Variants in SUN2 observed in about 807,000 individuals in gnomAD.
The protein encoded by SUN2 is SUN domain-containing protein 2.
In SUN2, 60 loss-of-function variants were observed where a neutral mutation model predicts 100.0. The observed-to-expected ratio is 0.60, with a 90% CI of 0.49 to 0.74. The LOEUF (loss-of-function observed/expected upper bound fraction) is 0.74. Among genes scored for constraint, SUN2 ranks in the 30% least tolerant of loss-of-function variants. The probability of loss-of-function intolerance (pLI) is 0.00; values close to 1 mark genes in which losing one functional copy is unlikely to be tolerated. For synonymous variants in SUN2, 367 were observed against 403.3 expected (o/e 0.91, Z 1.08); for missense variants, 834 against 954.6 (o/e 0.87, Z 1.66).
chr22:38,748,213 C>T (rs528354819), intron 7 of SUN2, among the ~76,000 whole-genome samples: 2 of 152,332 alleles, frequency 1.3e-5, no homozygotes, highest in South Asian at 4.1e-4. Flanking sequence ...ACTCGGGAGG[C>T]TGAGGCAGGA....
At chr22:38,751,099 G>A (rs1226042206) in intron 3 of SUN2, 64 bp from the exon 4 acceptor site, 1 of 1,610,144 alleles carries the variant, frequency 6.2e-7, no homozygotes, top group South Asian at 1.1e-5. Flanking sequence ...TGGGGTCTGG[G>A]CAGAGAGGTG....
intron 7 of SUN2, among the ~76,000 whole-genome samples, chr22:38,748,318 AAAAC>A (rs555603372): frequency 6.2e-4 from 95 of 152,338 alleles, no homozygotes; most frequent in Admixed American, 2.0e-3. Flanking sequence ...TCTGTCTCAA[AAAAC>A]AAACAAAAAA....
chr22:38,744,221 C>T (rs181474832), intron 8 of SUN2, among the ~76,000 whole-genome samples: 9 of 138,616 alleles, frequency 6.5e-5, no homozygotes, highest in East Asian at 4.3e-4. Flanking sequence ...GCCTGGGTGA[C>T]GCAGCATTCC....
In SUN2 at chr22:38,745,820, AG is replaced by A. The variant is rs2146025660; in HGVS notation, c.686-10del. The A allele has an allele frequency of 1.2e-6, 2 of 1,613,112 alleles. No individual in the cohort carries two copies. Among genetic ancestry groups the A allele is most frequent in the Non-Finnish European group, 8.5e-7 (1 of 1,179,574 alleles). The stretch of plus-strand genomic sequence containing the variant: ...GTAGAAATACCAAGCACCTGTGCAC[AG>A]GGGAGAGGGTGTTACCCCAGCTGGG... On this transcript the variant is annotated splice_polypyrimidine_tract_variant and intron_variant, in intron 7 of 17. Coordinates refer to ENST00000689035, the MANE Select transcript of SUN2 (RefSeq NM_015374.3).
At position 38,745,768 on chromosome 22, in the gene SUN2, A is replaced by G. The variant is rs1011423504; in HGVS notation, c.729T>C (p.Pro243=). 2 of 1,614,138 alleles carry G rather than the reference A, an allele frequency of 1.2e-6. No homozygotes were observed. Among genetic ancestry groups the G allele is most frequent in the South Asian group, 1.1e-5 (1 of 91,082 alleles). ...FYPYGLQTFH[P]ALVSWWAAKD... is the part of the protein sequence containing the mutation. ...TCGCTGCCCACCAGGAAACCAAAGC[A>G]GGGTGGAATGTCTGCAGCCCATAGG... The change falls in exon 8 of 18, where the codon CCT becomes CCC. Residue 243 remains proline, a synonymous_variant. Transcript: ENST00000689035.
chr22:38,743,153 T>C (rs769217579), intron 8 of SUN2: 3 of 152,252 alleles, frequency 2.0e-5, no homozygotes, highest in Non-Finnish European at 4.4e-5. Context: ...TTGAGAATGT[T>C]GTTGGCTTAA....
chr22:38,748,067 G>A (rs1045876940), intron 7 of SUN2, among the ~76,000 whole-genome samples: 13 of 150,498 alleles, frequency 8.6e-5, no homozygotes, highest in African/African-American at 2.2e-4. Context: ...TGTAATCCCA[G>A]CACTTTGGGA....
In SUN2 at chr22:38,739,557, G is replaced by T. The variant is rs2092836551; in HGVS notation, c.1579-131C>A. 5 of 1,300,766 alleles carry T rather than the reference G, an allele frequency of 3.8e-6. No homozygotes were observed. The highest frequency in any genetic ancestry group is 5.4e-6 in the Non-Finnish European group (5 of 921,612). 80.6% of individuals were successfully genotyped at this position (1,300,766 alleles called of 1,614,324 possible). ...GCACTGTGCTGGTGCCCAGGCAGATGTGGGCACACTGCCACCCACCCATGC... is the reference window on the plus strand; with the variant it reads ...GCACTGTGCTGGTGCCCAGGCAGATTTGGGCACACTGCCACCCACCCATGC... On this transcript the variant is annotated intron_variant, in intron 13 of 17. Coordinates refer to ENST00000689035, the MANE Select transcript of SUN2 (RefSeq NM_015374.3). The surrounding 1 kb of genome is among the most constrained non-coding windows in gnomAD (Gnocchi z 6.7).
rs368321480 is a variant in SUN2, at chr22:38,750,323, G to A, written c.425-3C>T. 2.5e-6 allele frequency: 4 copies of A among 1,613,896 alleles called. No homozygotes were observed. In the Admixed American group the frequency reaches 6.7e-5, roughly 27 times the overall value. On this transcript the variant is annotated splice_polypyrimidine_tract_variant and splice_region_variant and intron_variant, in intron 4 of 17. Coordinates refer to ENST00000689035, the MANE Select transcript of SUN2 (RefSeq NM_015374.3). ...CTGCTGGTCCACATCCGAGTAGCCT[G>A]CGGGGAACGAGGACACTGGCTCAGT...
In SUN2 at chr22:38,737,654, G is replaced by T. The variant is rs9611015; in HGVS notation, c.2040+519C>A. 2.9e-6 allele frequency: 1 copy of T among 340,880 alleles called. No individual in the cohort carries two copies. Among genetic ancestry groups the T allele is most frequent in the African/African-American group, 2.2e-5 (1 of 46,434 alleles). 21.1% of individuals were successfully genotyped at this position (340,880 alleles called of 1,614,324 possible). ...CAATTCCTCACTCCAGGACTCCCCC[G>T]GTGTGGGGCTTAGGCCAATGGTTTG... On this transcript the variant is annotated intron_variant, in intron 17 of 17. Coordinates refer to ENST00000689035, the MANE Select transcript of SUN2 (RefSeq NM_015374.3). The surrounding 1 kb of genome is among the most constrained non-coding windows in gnomAD (Gnocchi z 4.1).
In SUN2 at chr22:38,745,681, C is replaced by A. The variant is rs1226785587; in HGVS notation, c.813+3G>T. 5 of 1,613,292 alleles carry A rather than the reference C, an allele frequency of 3.1e-6. No individual in the cohort carries two copies. Among genetic ancestry groups the A allele is most frequent in the Non-Finnish European group, 4.2e-6 (5 of 1,180,016 alleles). ...TTGGGAGCTACCACCCTCAGAGACT[C>A]ACCTGGAAATGTGGCGATGAGTCTC... On this transcript the variant is annotated splice_donor_region_variant and intron_variant, in intron 8 of 17. Transcript: ENST00000689035.
chr22:38,750,074 C>T, intron 5 of SUN2, 151 bp downstream of exon 5: 1 of 1,313,410 alleles, frequency 7.6e-7, no homozygotes, highest in Non-Finnish European at 1.0e-6. Context: ...GGGGTCCCCA[C>T]AGCTCTGGGC....
At chr22:38,741,696 C>T in intron 9 of SUN2, 125 bp from the exon 10 acceptor site, 1 of 820,942 alleles carries the variant, frequency 1.2e-6, no homozygotes. Context: ...GGCTCTCAGC[C>T]TTCTCTGAAC....
Position 38,750,960 on chromosome 22 carries a change from C to T in SUN2, c.362G>A (p.Arg121His), listed in dbSNP as rs200211836. The change falls in exon 4 of 18, where the codon CGC becomes CAC. Residue 121 changes from arginine (R) to histidine (H), a missense_variant. This residue lies in a region of SUN2 where 559 missense variants were observed against 597.7 expected (regional missense o/e 0.94). Coordinates refer to ENST00000689035, the MANE Select transcript of SUN2 (RefSeq NM_015374.3). ...GCCCAGGAAGTCCTCGGTGGCCTTG[C>T]GCCCCACAAGCCCGCTGGCCCTGCT... ...ESSRASGLVG[R>H]KATEDFLGSS... The T allele has an allele frequency of 2.8e-5, 45 of 1,613,880 alleles. No individual in the cohort carries two copies. The highest frequency in any genetic ancestry group is 5.3e-5 in the African/African-American group (4 of 75,042).
Position 38,735,576 on chromosome 22 carries a change from G to A in SUN2, c.*691C>T, listed in dbSNP as rs992895726. On this transcript the variant is annotated 3_prime_UTR_variant, in exon 18 of 18. Coordinates refer to ENST00000689035, the MANE Select transcript of SUN2 (RefSeq NM_015374.3). ...AAGCAACTACCGTCCCCAGCAGAGG[G>A]GAAGCCTACAGGGTTGGCCCTGGGC... is the stretch of plus-strand genomic sequence containing the variant. 5 of 222,056 alleles carry A rather than the reference G, an allele frequency of 2.3e-5. No individual in the cohort carries two copies. The highest frequency in any genetic ancestry group is 9.3e-5 in the African/African-American group (4 of 42,982). 13.8% of individuals were successfully genotyped at this position (222,056 alleles called of 1,614,324 possible).
Position 38,745,730 on chromosome 22 carries a change from C to T in SUN2, c.767G>A (p.Arg256Lys), listed in dbSNP as rs1297466888. 3 of 1,614,078 alleles carry T rather than the reference C, an allele frequency of 1.9e-6. No homozygotes were observed. Among genetic ancestry groups the T allele is most frequent in the South Asian group, 1.1e-5 (1 of 91,092 alleles). ...TCTGGCTTCCCAGCCCTCATCCGGCCTCCTGCTGTCCTTCGCTGCCCACCA... is the reference window on the plus strand; with the variant it reads ...TCTGGCTTCCCAGCCCTCATCCGGCTTCCTGCTGTCCTTCGCTGCCCACCA... ...VSWWAAKDSR[R>K]PDEGWEARDS... is the part of the protein sequence containing the mutation. Residue 256 changes from arginine to lysine, a missense_variant, in exon 8 of 18, where the codon AGG (arginine) becomes AAG (lysine). By Grantham distance (26) the Arg-to-Lys change is conservative. This residue lies in a region of SUN2 where 559 missense variants were observed against 597.7 expected (regional missense o/e 0.94). Coordinates refer to ENST00000689035, the MANE Select transcript of SUN2 (RefSeq NM_015374.3).
chr22:38,744,169 G>C (rs1378182318), intron 8 of SUN2, among the ~76,000 whole-genome samples: 3 of 151,732 alleles, frequency 2.0e-5, no homozygotes, highest in Non-Finnish European at 4.4e-5. Context: ...GAACCCGGGA[G>C]GTGTAGGCTG....
chr22:38,745,008 T>A (rs1465742166), intron 8 of SUN2: 1 of 470,638 alleles, frequency 2.1e-6, no homozygotes, highest in African/African-American at 2.0e-5. Flanking sequence ...AGAGGTGAAG[T>A]CTATTTCCCT....
chr22:38,736,171 C>G lies in SUN2; in HGVS notation c.*96G>C, dbSNP rs1308817134. On this transcript the variant is annotated 3_prime_UTR_variant, in exon 18 of 18. Coordinates refer to ENST00000689035, the MANE Select transcript of SUN2 (RefSeq NM_015374.3). ...GGGCCACAGGCTCCTCTCTTGTGCTCCTAGAAGTCAGAGCGCCGAGCAAGC... is the reference window on the plus strand; with the variant it reads ...GGGCCACAGGCTCCTCTCTTGTGCTGCTAGAAGTCAGAGCGCCGAGCAAGC... 8.3e-7 allele frequency: 1 copy of G among 1,197,940 alleles called. No individual in the cohort carries two copies. The highest frequency in any genetic ancestry group is 1.8e-5 in the Admixed American group (1 of 56,622). 74.2% of individuals were successfully genotyped at this position (1,197,940 alleles called of 1,614,324 possible). A position where few individuals can be genotyped will look rare whatever the true frequency, so the allele number is the denominator to read the frequency against.
Sources: gnomAD v4.1 joint callset for allele counts (sites outside exome capture counted in the v4.1 genomes callset) on GRCh38, gnomAD v4.1.1 for gene constraint, gnomAD v4.1.1 regional missense constraint, Gnocchi (gnomAD v3.1) non-coding constraint, MANE v1.5 for transcripts, NCBI Gene and HGNC (gene_info 2026-07-23, HGNC 2026-07-21) for gene names.